ZER1: variants seen among roughly 807,000 people sequenced by gnomAD.
The protein encoded by ZER1 is protein zer-1 homolog.
In ZER1, 11 loss-of-function variants were observed where a neutral mutation model predicts 78.8. That is an observed-to-expected ratio of 0.14 (90% CI 0.09 to 0.23). The LOEUF is 0.23. ZER1 is among the 10% of genes least tolerant of loss of function. The pLI is 1.00. For missense variants in ZER1, 588 were observed against 996.9 expected, an observed-to-expected ratio of 0.59 and a Z score of 5.52; for synonymous variants, 400 against 407.0, an observed-to-expected ratio of 0.98 and a Z score of 0.21.
At chr9:128,752,239 C>T (rs1431263458) in intron 5 of ZER1, among the ~76,000 whole-genome samples, 2 of 152,230 alleles carry the variant, frequency 1.3e-5, no homozygotes, top group Non-Finnish European at 2.9e-5. Context: ...CCAGCTCACA[C>T]AGCCTCCAAG....
intron 8 of ZER1, among the ~76,000 whole-genome samples, chr9:128,747,942 T>G (rs922745725): frequency 6.6e-6 from 1 of 152,106 alleles, no homozygotes; most frequent in Admixed American, 6.6e-5. Flanking sequence ...TCTTTTGTAA[T>G]CAGAAAAGAA....
At chr9:128,768,513 C>T (rs2132496830) in intron 1 of ZER1, among the ~76,000 whole-genome samples, 1 of 152,300 alleles carries the variant, frequency 6.6e-6, no homozygotes, top group South Asian at 2.1e-4. Context: ...GCCTAACTCA[C>T]ACAGCAAGCC....
intron 15 of ZER1, 43 bp from the exon 16 acceptor site, chr9:128,731,437 T>TGGGGGGGTTGGGGGGGGGGGGTGGGGGG: frequency 2.2e-6 from 1 of 451,594 alleles, no homozygotes; most frequent in Non-Finnish European, 4.3e-6. Flanking sequence ...TGGGCTTGGG[T>TGGGGGGGTTGGGGGGGGGGGGTGGGGGG]GGGGGTGAGC....
rs1471931435 is a variant in ZER1, at chr9:128,731,317, G to A, written c.*20C>T. The A allele has an allele frequency of 1.2e-5, 19 of 1,611,428 alleles. No individual in the cohort carries two copies. Among genetic ancestry groups the A allele is most frequent in the Admixed American group, 1.2e-4 (7 of 59,850 alleles). Reference sequence around the variant, plus strand: ...CCCGCCTGTGGTCCAGAGCGGTGGCGGCCATGGGGACGGAGGCCTCTATCT... The same window carrying A: ...CCCGCCTGTGGTCCAGAGCGGTGGCAGCCATGGGGACGGAGGCCTCTATCT... On this transcript the variant is annotated 3_prime_UTR_variant, in exon 16 of 16. Coordinates refer to ENST00000291900, the MANE Select transcript of ZER1 (RefSeq NM_006336.4).
chr9:128,740,023 G>A lies in ZER1; in HGVS notation c.1950C>T (p.Gly650=), dbSNP rs11553560. The change falls in exon 13 of 16, where the codon GGC becomes GGT. Residue 650 remains glycine (G), a synonymous_variant. Coordinates refer to ENST00000291900, the MANE Select transcript of ZER1 (RefSeq NM_006336.4). The surrounding 1 kb of genome is among the most constrained non-coding windows in gnomAD (Gnocchi z 4.4). Reference sequence around the variant, plus strand: ...CCTCCTCACGCTGGGGCTCACAGACGCCCCAGGCCTCGGGTCCATCAAACA... The same window carrying A: ...CCTCCTCACGCTGGGGCTCACAGACACCCCAGGCCTCGGGTCCATCAAACA... The part of the protein sequence containing the change: ...HIMFDGPEAW[G]VCEPQREEVE... 659 of 1,614,008 alleles carry A rather than the reference G, an allele frequency of 4.1e-4. 4 individuals are homozygous for A. The African/African-American group carries it at 6.6e-3, about 16-fold the overall frequency.
chr9:128,742,523 C>T lies in ZER1; in HGVS notation c.1575+7G>A. Reference sequence around the variant, plus strand: ...AGGAGGAAGGGGGCAGCGCCCCCCACACGTACCACGACAAAGCCCATCTTG... The same window carrying T: ...AGGAGGAAGGGGGCAGCGCCCCCCATACGTACCACGACAAAGCCCATCTTG... On this transcript the variant is annotated splice_region_variant and intron_variant, in intron 9 of 15. Transcript: ENST00000291900. 2 of 1,613,598 alleles carry T rather than the reference C, an allele frequency of 1.2e-6. No individual in the cohort carries two copies. The highest frequency in any genetic ancestry group is 1.7e-6 in the Non-Finnish European group (2 of 1,180,038).
chr9:128,764,541 C>T (rs1025581607), intron 1 of ZER1, among the ~76,000 whole-genome samples: 2 of 152,282 alleles, frequency 1.3e-5, no homozygotes, highest in East Asian at 1.9e-4. Context: ...AGGTAGATGG[C>T]GCCATCTGCT....
At chr9:128,731,426 G>T in intron 15 of ZER1, 32 bp from the exon 16 acceptor site, 4 of 1,404,800 alleles carry the variant, frequency 2.8e-6, no homozygotes, top group Non-Finnish European at 2.0e-6. Context: ...GGATTGGAGG[G>T]TGGGCTTGGG....
intron 7 of ZER1, 99 bp from the exon 8 acceptor site, chr9:128,750,888 G>A (rs1489461253): frequency 2.0e-6 from 3 of 1,527,314 alleles, no homozygotes; most frequent in East Asian, 2.3e-5. Context: ...GTTTAGCCTG[G>A]TCTTGCTCTC....
rs1194421530 is a variant in ZER1 at position 128,762,996 on chromosome 9, G to GC, written c.-94-7338dup. The stretch of plus-strand genomic sequence containing the variant: ...CTTTCTGGCCTACTTGGTCCCCACT[G>GC]CCCCCCTACTCCAGCCAGCCTGGCC... On this transcript the variant is annotated intron_variant, in intron 1 of 15. Coordinates refer to ENST00000291900, the MANE Select transcript of ZER1 (RefSeq NM_006336.4). Among the ~76,000 whole-genome samples the GC allele has an allele frequency of 2.6e-5, 4 of 152,114 alleles. No individual in the cohort carries two copies. In the East Asian group the frequency reaches 7.7e-4, roughly 29 times the overall value.
chr9:128,733,984 C>T (rs1341097453), intron 14 of ZER1, among the ~76,000 whole-genome samples: 5 of 125,338 alleles, frequency 4.0e-5, no homozygotes, highest in Non-Finnish European at 8.4e-5. Flanking sequence ...AAAAATTAGC[C>T]AGGCATGGTG....
At chr9:128,764,065 G>A (rs763763413) in intron 1 of ZER1, among the ~76,000 whole-genome samples, 14 of 152,114 alleles carry the variant, frequency 9.2e-5, no homozygotes, top group Admixed American at 2.0e-4. Context: ...GGAGAGAAGG[G>A]GAAGGCGCTT....
At chr9:128,747,566 G>A (rs989559192) in intron 8 of ZER1, among the ~76,000 whole-genome samples, 1 of 152,268 alleles carries the variant, frequency 6.6e-6, no homozygotes, top group South Asian at 2.1e-4. Context: ...ATACATTCTT[G>A]TATCACTTGA....
rs1863237112 is a variant in ZER1 at position 128,740,053 on chromosome 9, G to A, written c.1920C>T (p.His640=). The change falls in exon 13 of 16, where the codon CAC becomes CAT. Residue 640 remains histidine, a synonymous_variant. Coordinates refer to ENST00000291900, the MANE Select transcript of ZER1 (RefSeq NM_006336.4). The surrounding 1 kb of genome is among the most constrained non-coding windows in gnomAD (Gnocchi z 4.4). ...AGGCCTCGGGTCCATCAAACATGAT[G>A]TGGGAGAGGACGCCGCAGGCATTGT... ...VSYNACGVLS[H]IMFDGPEAWG... The A allele has an allele frequency of 6.2e-7, 1 of 1,614,060 alleles. No homozygotes were observed.
At chr9:128,738,027 ATTCATT>A (rs1454398711) in intron 13 of ZER1, among the ~76,000 whole-genome samples, 58 of 110,048 alleles carry the variant, frequency 5.3e-4, no homozygotes, top group Non-Finnish European at 6.8e-4. Flanking sequence ...TGTTTTTTTT[ATTCATT>A]TTTATTTTTA....
intron 14 of ZER1, 62 bp downstream of exon 14, chr9:128,735,272 C>G: frequency 2.7e-6 from 4 of 1,488,338 alleles, no homozygotes; most frequent in Non-Finnish European, 3.7e-6. Context: ...CTACAAACTC[C>G]CTGAGGGCAC....
At chr9:128,762,161 C>T (rs536134754) in intron 1 of ZER1, among the ~76,000 whole-genome samples, 2 of 150,650 alleles carry the variant, frequency 1.3e-5, no homozygotes, top group African/African-American at 4.9e-5. Flanking sequence ...GTGTATTTTA[C>T]GTGTCGCCCA....
rs892580481 is a variant in ZER1 at position 128,754,801 on chromosome 9, C to T, written c.158+607G>A. On this transcript the variant is annotated intron_variant, in intron 2 of 15. Transcript: ENST00000291900. The surrounding 1 kb of genome is among the most constrained non-coding windows in gnomAD (Gnocchi z 4.3). ...GGCTTCCCAAAATGCTGGAATTACA[C>T]GTGTGAGCCACCATGCCTGGCCACC... 2.0e-5 allele frequency among the ~76,000 whole-genome samples: 3 copies of T among 151,998 alleles called. No individual in the cohort carries two copies. Among genetic ancestry groups the T allele is most frequent in the Non-Finnish European group, 4.4e-5 (3 of 68,022 alleles).
chr9:128,744,100 T>A (rs972611758), intron 8 of ZER1, among the ~76,000 whole-genome samples: 1 of 151,828 alleles, frequency 6.6e-6, no homozygotes, highest in African/African-American at 2.4e-5. Context: ...GGTTTCACCG[T>A]CTTGGCCAGG....
Sources: allele counts gnomAD v4.1 joint callset (sites outside exome capture counted in the v4.1 genomes callset), GRCh38; gene constraint gnomAD v4.1.1; non-coding constraint Gnocchi (gnomAD v3.1); transcripts MANE v1.5; gene names NCBI Gene and HGNC (gene_info 2026-07-23, HGNC 2026-07-21).